PHLPP1: variants seen among roughly 807,000 people sequenced by gnomAD.
PHLPP1 encodes the protein PH domain leucine-rich repeat-containing protein phosphatase 1.
In PHLPP1, 42 loss-of-function variants were observed where a neutral mutation model predicts 117.2. The observed-to-expected ratio is 0.36, with a 90% CI of 0.28 to 0.46. The LOEUF (loss-of-function observed/expected upper bound fraction) is 0.46, where lower values mean the gene tolerates loss of function less well. Among genes scored for constraint, PHLPP1 ranks in the 20% least tolerant of loss-of-function variants. The pLI is 1.00. For missense variants in PHLPP1, 2,084 were observed against 2,241.9 expected (o/e 0.93, Z 1.42); for synonymous variants, 1,042 against 970.7 (o/e 1.07, Z -1.37).
intron 15 of PHLPP1, among the ~76,000 whole-genome samples, chr18:62,975,006 CAG>C (rs1911149236): frequency 6.6e-6 from 1 of 152,096 alleles, no homozygotes; most frequent in Non-Finnish European, 1.5e-5. Context: ...TTCCTGGGGA[CAG>C]AGGGGATTTA....
intron 10 of PHLPP1, among the ~76,000 whole-genome samples, chr18:62,929,411 A>G (rs868263668): frequency 6.6e-6 from 1 of 152,186 alleles, no homozygotes; most frequent in Non-Finnish European, 1.5e-5. Context: ...TTAGGTGCTC[A>G]GTAGCCACAT....
intron 1 of PHLPP1, among the ~76,000 whole-genome samples, chr18:62,814,417 C>G (rs913771530): frequency 2.6e-5 from 4 of 152,206 alleles, no homozygotes; most frequent in Admixed American, 2.6e-4. Flanking sequence ...CCCTAGACCT[C>G]TTACGGAGTC....
intron 1 of PHLPP1, among the ~76,000 whole-genome samples, chr18:62,827,310 A>G (rs865996990): frequency 2.4e-4 from 36 of 152,184 alleles, no homozygotes; most frequent in Admixed American, 2.3e-3. Flanking sequence ...AAAAGTTACA[A>G]CTGACCCAGC....
chr18:62,786,643 G>A (rs1172538591), intron 1 of PHLPP1, among the ~76,000 whole-genome samples: 1 of 152,152 alleles, frequency 6.6e-6, no homozygotes, highest in East Asian at 1.9e-4. Context: ...TGTTTACAAA[G>A]CAAATGAATA....
At chr18:62,726,520 T>C (rs1043621010) in intron 1 of PHLPP1, among the ~76,000 whole-genome samples, 1 of 151,748 alleles carries the variant, frequency 6.6e-6, no homozygotes, top group African/African-American at 2.4e-5. Context: ...TTAAAAATTT[T>C]CTAGTACTTG....
Position 62,972,675 on chromosome 18 carries a change from A to G in PHLPP1, c.3722A>G (p.Glu1241Gly), listed in dbSNP as rs750007020. The G allele has an allele frequency of 6.8e-6, 11 of 1,613,670 alleles. No homozygotes were observed. In the Admixed American group the frequency reaches 1.5e-4, roughly 22 times the overall value. ...CTGCAAAAAACAAAAAACGAAGAAG[A>G]ATACATGGTCAATACATTCATTGTC... Reference protein sequence around the residue: ...EELQKTKNEEEYMVNTFIVMQ... With the variant: ...EELQKTKNEEGYMVNTFIVMQ... The change falls in exon 15 of 17, where the codon GAA becomes GGA. Residue 1241 changes from glutamate to glycine, a missense_variant. Around this residue, in one of 2 missense-constraint regions of PHLPP1, gnomAD observed 1,365 missense variants for 1,605.9 expected, o/e 0.85. Transcript: ENST00000262719.
intron 9 of PHLPP1, among the ~76,000 whole-genome samples, chr18:62,917,193 A>C (rs1909313782): frequency 6.8e-6 from 1 of 147,324 alleles, no homozygotes; most frequent in Non-Finnish European, 1.5e-5. Context: ...ATTATACATT[A>C]ACATATTATA....
intron 1 of PHLPP1, among the ~76,000 whole-genome samples, chr18:62,773,461 G>A (rs1912856902): frequency 6.6e-6 from 1 of 152,168 alleles, no homozygotes; most frequent in Non-Finnish European, 1.5e-5. Flanking sequence ...TCAGAGATGG[G>A]TGTTGTGAGA....
At chr18:62,735,833 C>T (rs181205337) in intron 1 of PHLPP1, among the ~76,000 whole-genome samples, 276 of 152,204 alleles carry the variant, frequency 1.8e-3, no homozygotes, top group African/African-American at 6.5e-3. Context: ...TAGACAGTTA[C>T]TAAATCAGAA....
At chr18:62,868,265 A>G (rs944868568) in intron 4 of PHLPP1, among the ~76,000 whole-genome samples, 3 of 152,196 alleles carry the variant, frequency 2.0e-5, no homozygotes, top group Non-Finnish European at 4.4e-5. Flanking sequence ...TCCTTTGACA[A>G]TCATGTCTTA....
chr18:62,855,437 A>G (rs968110734), intron 3 of PHLPP1, among the ~76,000 whole-genome samples: 1 of 152,192 alleles, frequency 6.6e-6, no homozygotes, highest in African/African-American at 2.4e-5. Context: ...TCTTTGTGAT[A>G]GAGCCCTGAT....
At chr18:62,931,343 A>G (rs1036104467) in intron 10 of PHLPP1, among the ~76,000 whole-genome samples, 2 of 152,194 alleles carry the variant, frequency 1.3e-5, no homozygotes, top group Non-Finnish European at 2.9e-5. Context: ...TCTGGGATAC[A>G]GCAAAGGGAA....
chr18:62,865,317 AC>A (rs966454881), intron 4 of PHLPP1, among the ~76,000 whole-genome samples: 4 of 152,112 alleles, frequency 2.6e-5, no homozygotes, highest in African/African-American at 9.7e-5. Context: ...CAGAGGGAAA[AC>A]CTGTCTCAAA....
chr18:62,917,486 G>T (rs997636373), intron 9 of PHLPP1, among the ~76,000 whole-genome samples: 32 of 148,884 alleles, frequency 2.1e-4, no homozygotes, highest in Admixed American at 1.3e-3. Context: ...TTATAGTGTT[G>T]TTCAATTGCA....
intron 1 of PHLPP1, among the ~76,000 whole-genome samples, chr18:62,823,684 T>G (rs1332172965): frequency 6.6e-6 from 1 of 151,828 alleles, no homozygotes; most frequent in Non-Finnish European, 1.5e-5. Flanking sequence ...TGTAAAGGAC[T>G]TAACCCAATT....
At chr18:62,891,726 C>A (rs866062572) in intron 4 of PHLPP1, among the ~76,000 whole-genome samples, 451 of 122,826 alleles carry the variant, frequency 3.7e-3, no homozygotes, top group Middle Eastern at 4.0e-3. Context: ...TTCGTCTCTA[C>A]AAAAAAAAAA....
intron 1 of PHLPP1, among the ~76,000 whole-genome samples, chr18:62,726,460 G>A (rs991227662): frequency 1.3e-5 from 2 of 151,002 alleles, no homozygotes; most frequent in African/African-American, 2.4e-5. Context: ...TTTCCTCTAG[G>A]TTTTCAGGGT....
rs562701286 is a variant in PHLPP1 at position 62,938,534 on chromosome 18, AT to A, written c.2961-3183del. Among the ~76,000 whole-genome samples, 11 of 152,360 alleles carry A rather than the reference AT, an allele frequency of 7.2e-5. No individual in the cohort carries two copies. In the South Asian group the frequency reaches 2.3e-3, roughly 32 times the overall value. On this transcript the variant is annotated intron_variant, in intron 10 of 16. Coordinates refer to ENST00000262719, the MANE Select transcript of PHLPP1 (RefSeq NM_194449.4). ...TTTCCTGATACTATGATAATAAAAA[AT>A]ATTTTTAGTCCAATTGTTTGCTCTT...
intron 10 of PHLPP1, among the ~76,000 whole-genome samples, chr18:62,928,815 A>G (rs139369640): frequency 3.8e-4 from 58 of 152,372 alleles, no homozygotes; most frequent in African/African-American, 1.3e-3. Context: ...ATTATTCACC[A>G]GTAAAAGGTA....
Sources: gnomAD v4.1 joint callset for allele counts (sites outside exome capture counted in the v4.1 genomes callset) on GRCh38, gnomAD v4.1.1 for gene constraint, gnomAD v4.1.1 regional missense constraint, MANE v1.5 for transcripts, NCBI Gene and HGNC (gene_info 2026-07-23, HGNC 2026-07-21) for gene names.